The following DAAM1 variants were observed in gnomAD, a reference collection of about 807,000 sequenced individuals.
The protein encoded by DAAM1 is disheveled-associated activator of morphogenesis 1.
A neutral mutation model predicts 130.0 loss-of-function variants in DAAM1; 52 were observed. The observed-to-expected ratio is 0.40, with a 90% confidence interval of 0.32 to 0.50. DAAM1 has a LOEUF of 0.50. Ranked by LOEUF, DAAM1 falls within the 20% of genes least tolerant of loss-of-function variation. The pLI, the probability that DAAM1 is intolerant of heterozygous loss-of-function variation, is 0.61. For missense variants in DAAM1, 1,134 were observed against 1,303.8 expected (o/e 0.87, Z 2.01); for synonymous variants, 452 against 444.5 (o/e 1.02, Z -0.21).
At position 59,331,513 on chromosome 14, in the gene DAAM1, G is replaced by T; in HGVS notation, c.1860+5G>T. 1 of 1,575,024 alleles carries T rather than the reference G, an allele frequency of 6.3e-7. No homozygotes were observed. The stretch of plus-strand genomic sequence containing the variant: ...AACTGGTCTAAACTGCCCGAGGTGA[G>T]CCATTTGTTCCAGTTTTCCCTTTAA... On this transcript the variant is annotated splice_donor_5th_base_variant and intron_variant, in intron 14 of 24. Coordinates refer to ENST00000360909, the MANE Select transcript of DAAM1 (RefSeq NM_001270520.2).
At chr14:59,345,338 G>T (rs185972192) in intron 16 of DAAM1, among the ~76,000 whole-genome samples, 1 of 152,208 alleles carries the variant, frequency 6.6e-6, no homozygotes, top group Non-Finnish European at 1.5e-5. Context: ...CTGTAACGGC[G>T]TAGGGGTTAT....
At chr14:59,238,444 A>G (rs1889372471) in intron 1 of DAAM1, among the ~76,000 whole-genome samples, 1 of 152,102 alleles carries the variant, frequency 6.6e-6, no homozygotes, top group Non-Finnish European at 1.5e-5. Flanking sequence ...CTCCTCAGCT[A>G]GGTCGTCAGC....
chr14:59,206,345 G>C (rs929018376), intron 1 of DAAM1, among the ~76,000 whole-genome samples: 1 of 151,828 alleles, frequency 6.6e-6, no homozygotes, highest in Non-Finnish European at 1.5e-5. Flanking sequence ...GTGCGATCTC[G>C]GCTCACTGCA....
intron 2 of DAAM1, among the ~76,000 whole-genome samples, chr14:59,287,339 C>T (rs1163730937): frequency 1.3e-5 from 2 of 152,146 alleles, no homozygotes; most frequent in Admixed American, 1.3e-4. Context: ...ACTGAATGGA[C>T]AAAAGCTGGA....
At chr14:59,233,602 G>A (rs1889187005) in intron 1 of DAAM1, among the ~76,000 whole-genome samples, 1 of 152,090 alleles carries the variant, frequency 6.6e-6, no homozygotes, top group Admixed American at 6.5e-5. Flanking sequence ...TCATTCTGAG[G>A]CTAGTTTCTT....
At chr14:59,355,365 G>A in intron 20 of DAAM1, 32 bp downstream of exon 20, 1 of 1,611,828 alleles carries the variant, frequency 6.2e-7, no homozygotes. Context: ...ACTTGGGGGA[G>A]CCAGGTGTGT....
chr14:59,210,587 G>A (rs1047723134), intron 1 of DAAM1, among the ~76,000 whole-genome samples: 1 of 152,184 alleles, frequency 6.6e-6, no homozygotes, highest in East Asian at 1.9e-4. Context: ...AGGGTCTCTT[G>A]CTTCAGTTTC....
intron 3 of DAAM1, among the ~76,000 whole-genome samples, chr14:59,296,051 T>C (rs1287470758): frequency 6.6e-6 from 1 of 152,202 alleles, no homozygotes; most frequent in Non-Finnish European, 1.5e-5. Context: ...AGTTTTCAAC[T>C]CCAGTGATGG....
At chr14:59,194,714 TTAAAA>T (rs1490359167) in intron 1 of DAAM1, among the ~76,000 whole-genome samples, 2 of 152,234 alleles carry the variant, frequency 1.3e-5, no homozygotes, top group African/African-American at 4.8e-5. Context: ...GCCTTAGATA[TTAAAA>T]TAAACTTTTT....
intron 2 of DAAM1, among the ~76,000 whole-genome samples, chr14:59,280,421 A>G (rs1883157296): frequency 6.6e-6 from 1 of 151,944 alleles, no homozygotes; most frequent in South Asian, 2.1e-4. Flanking sequence ...GATGACAGAG[A>G]GAGACCCTAT....
chr14:59,338,727 GTTATTGGTACAA>G (rs1472027566), intron 15 of DAAM1, among the ~76,000 whole-genome samples: 1 of 151,474 alleles, frequency 6.6e-6, no homozygotes, highest in Non-Finnish European at 1.5e-5. Flanking sequence ...TAATGCTACC[GTTATTGGTACAA>G]TAATTTATAT....
intron 1 of DAAM1, among the ~76,000 whole-genome samples, chr14:59,247,408 T>C (rs902289804): frequency 2.6e-5 from 4 of 152,206 alleles, no homozygotes; most frequent in Admixed American, 2.6e-4. Flanking sequence ...GATGGATTTT[T>C]CTGTTTCTGC....
intron 12 of DAAM1, among the ~76,000 whole-genome samples, chr14:59,328,746 C>T (rs1434592084): frequency 2.6e-5 from 4 of 152,194 alleles, no homozygotes; most frequent in Non-Finnish European, 5.9e-5. Context: ...ATGATAGCCA[C>T]TGTTGCAGGA....
At position 59,188,758 on chromosome 14, in the gene DAAM1, G is replaced by C. The variant is rs745351623; in HGVS notation, c.-48G>C. On this transcript the variant is annotated 5_prime_UTR_variant, in exon 1 of 25. Transcript: ENST00000360909. ...GCAGAGCCGCCTTTCCAGCATGCAG[G>C]GGCTGCTCAGGTAAGGGGGACGCTC... 1 of 152,998 alleles carries C rather than the reference G, an allele frequency of 6.5e-6. No individual in the cohort carries two copies. The highest frequency in any genetic ancestry group is 1.5e-5 in the Non-Finnish European group (1 of 68,364). The allele number at this position is 152,998 out of a possible 1,614,324, so 9.5% of individuals were successfully genotyped here. A position where few individuals can be genotyped will look rare whatever the true frequency, so the allele number is the denominator to read the frequency against.
At chr14:59,286,829 T>TA (rs1203321335) in intron 2 of DAAM1, among the ~76,000 whole-genome samples, 1 of 152,102 alleles carries the variant, frequency 6.6e-6, no homozygotes, top group Admixed American at 6.6e-5. Context: ...CTGGACTAGA[T>TA]AGATTCACAG....
chr14:59,354,209 T>C (rs868272431), intron 19 of DAAM1, among the ~76,000 whole-genome samples: 38 of 152,110 alleles, frequency 2.5e-4, no homozygotes, highest in African/African-American at 5.5e-4. Context: ...TACAGGTGCC[T>C]GCCACCACGC....
chr14:59,195,850 T>C (rs533070926), intron 1 of DAAM1, among the ~76,000 whole-genome samples: 3 of 152,240 alleles, frequency 2.0e-5, no homozygotes, highest in Middle Eastern at 3.4e-3. Context: ...AGCCACAAAC[T>C]GTACCTGTAA....
chr14:59,358,960 A>G (rs1369681563), intron 20 of DAAM1, among the ~76,000 whole-genome samples: 1 of 151,230 alleles, frequency 6.6e-6, no homozygotes, highest in Non-Finnish European at 1.5e-5. Flanking sequence ...ACCCCACTCC[A>G]CTCCACCCAA....
intron 1 of DAAM1, among the ~76,000 whole-genome samples, chr14:59,195,442 C>T (rs1038917568): frequency 1.3e-5 from 2 of 152,142 alleles, no homozygotes; most frequent in Non-Finnish European, 1.5e-5. Flanking sequence ...CGCGCCTGGC[C>T]TCATCTTGTT....
Sources: allele counts gnomAD v4.1 joint callset (sites outside exome capture counted in the v4.1 genomes callset), GRCh38; gene constraint gnomAD v4.1.1; transcripts MANE v1.5; gene names NCBI Gene and HGNC (gene_info 2026-07-23, HGNC 2026-07-21).